Variants in SYNJ2 observed in about 807,000 individuals in gnomAD.
SYNJ2 encodes polyphosphatidylinositol phosphatase SYNJ2.
Under a neutral mutation model 141.3 loss-of-function variants are expected in SYNJ2, and 116 were observed. The ratio of observed to expected loss-of-function variants is 0.82; its 90% confidence interval spans 0.71 to 0.96. SYNJ2 has a LOEUF of 0.96. SYNJ2 is among the 40% of genes least tolerant of loss of function. SYNJ2 has a pLI of 0.00. For synonymous variants in SYNJ2, 745 were observed against 777.7 expected (o/e 0.96, Z 0.70); for missense variants, 1,873 against 1,934.8 (o/e 0.97, Z 0.60).
At chr6:158,074,482 A>G (rs1037828978) in intron 15 of SYNJ2, 98 bp from the exon 16 acceptor site, 8 of 1,348,856 alleles carry the variant, frequency 5.9e-6, no homozygotes, top group African/African-American at 1.5e-5. Flanking sequence ...GCATTTTGAG[A>G]AAAATACTCC....
chr6:157,998,665 T>C (rs1777723392), intron 1 of SYNJ2, among the ~76,000 whole-genome samples: 1 of 152,218 alleles, frequency 6.6e-6, no homozygotes, highest in Non-Finnish European at 1.5e-5. Flanking sequence ...TTAGAAAATA[T>C]AGGCTATGCT....
At chr6:157,983,773 A>G (rs866619095) in intron 1 of SYNJ2, among the ~76,000 whole-genome samples, 2 of 152,198 alleles carry the variant, frequency 1.3e-5, no homozygotes, top group Non-Finnish European at 2.9e-5. Flanking sequence ...ACTCATGTGC[A>G]GTCCACATTT....
intron 25 of SYNJ2, among the ~76,000 whole-genome samples, chr6:158,090,961 C>T (rs1316029051): frequency 2.0e-5 from 3 of 152,102 alleles, no homozygotes; most frequent in East Asian, 1.9e-4. Flanking sequence ...GTTAAAAGGT[C>T]GAGAACTACT....
chr6:158,086,842 C>G lies in SYNJ2; in HGVS notation c.3209-13C>G, dbSNP rs1027169908. The G allele has an allele frequency of 2.7e-5, 43 of 1,611,040 alleles. No homozygotes were observed. The highest frequency in any genetic ancestry group is 3.6e-5 in the Non-Finnish European group (42 of 1,179,940). On this transcript the variant is annotated splice_polypyrimidine_tract_variant and intron_variant, in intron 22 of 26. Transcript: ENST00000355585. ...AACAGACCATTGTACTCATGCCCCG[C>G]CATGTCCTCCAGATGACGCGGACCT...
chr6:158,067,534 A>G (rs1562377202), intron 12 of SYNJ2: 7 of 985,352 alleles, frequency 7.1e-6, no homozygotes, highest in Non-Finnish European at 8.4e-6. Context: ...TTGTCCAGTC[A>G]TCGTTGACTC....
Position 158,066,563 on chromosome 6 carries a change from G to T in SYNJ2, c.1645G>T (p.Val549Leu). Residue 549 changes from valine to leucine, a missense_variant, in exon 12 of 27, where the codon GTG (valine) becomes TTG (leucine). Val to Leu is a conservative substitution (Grantham distance 32). Transcript: ENST00000355585. ...VNGGKQFRSN[V>L]LRTAELTDWL... ...CGGAGGAAAGCAGTTCCGGAGCAAC[G>T]TGCTCAGGACGGCGGAGCTGACAGA... 1 of 1,614,166 alleles carries T rather than the reference G, an allele frequency of 6.2e-7. No individual in the cohort carries two copies. The highest frequency in any genetic ancestry group is 8.5e-7 in the Non-Finnish European group (1 of 1,180,040).
chr6:158,024,684 G>A (rs977627403), intron 2 of SYNJ2, among the ~76,000 whole-genome samples: 5 of 152,184 alleles, frequency 3.3e-5, no homozygotes, highest in Non-Finnish European at 5.9e-5. Context: ...AGGAACACAC[G>A]GCTGCAGGGG....
At chr6:157,987,981 C>T (rs1017149413) in intron 1 of SYNJ2, among the ~76,000 whole-genome samples, 13 of 152,246 alleles carry the variant, frequency 8.5e-5, no homozygotes, top group Non-Finnish European at 1.5e-4. Flanking sequence ...GGCCCTTTGA[C>T]GGCACTGCCT....
chr6:158,043,942 T>C lies in SYNJ2; in HGVS notation c.795+543T>C, dbSNP rs919836102. 4.6e-5 allele frequency among the ~76,000 whole-genome samples: 7 copies of C among 152,174 alleles called. No individual in the cohort carries two copies. Among genetic ancestry groups the C allele is most frequent in the Non-Finnish European group, 1.0e-4 (7 of 68,024 alleles). ...CAGAGAGATTTGGCATTCTTTCTCC[T>C]GGGAAGAGCACAGGGTGGGGACACA... is the stretch of plus-strand genomic sequence containing the variant. On this transcript the variant is annotated intron_variant, in intron 5 of 26. Transcript: ENST00000355585. This position sits in a 1 kb window ranked among gnomAD's most constrained non-coding sequence, Gnocchi z 4.0.
intron 14 of SYNJ2, 32 bp downstream of exon 14, chr6:158,069,705 A>G: frequency 6.4e-7 from 1 of 1,566,486 alleles, no homozygotes. Flanking sequence ...ACATCTGGGG[A>G]ACAAGGGGTT....
chr6:158,052,260 T>A (rs926824426), intron 5 of SYNJ2, among the ~76,000 whole-genome samples: 1 of 152,178 alleles, frequency 6.6e-6, no homozygotes, highest in African/African-American at 2.4e-5. Flanking sequence ...ACAGAAAAAA[T>A]TTAAGAACAA....
rs1781713968 is a variant in SYNJ2, at chr6:158,068,630, C to T, written c.1718-17C>T. ...TTGGCGGTTCTGACTTCTGTCATCTCTTGCCTTGCTCCCCAGATGACAGCA... is the reference window on the plus strand; with the variant it reads ...TTGGCGGTTCTGACTTCTGTCATCTTTTGCCTTGCTCCCCAGATGACAGCA... On this transcript the variant is annotated splice_polypyrimidine_tract_variant and intron_variant, in intron 12 of 26. Transcript: ENST00000355585. 1.2e-6 allele frequency: 2 copies of T among 1,614,024 alleles called. No individual in the cohort carries two copies. The highest frequency in any genetic ancestry group is 2.2e-5 in the East Asian group (1 of 44,900).
In SYNJ2 at chr6:158,059,243, C is replaced by T. The variant is rs138743999; in HGVS notation, c.858-14C>T. 276 of 1,543,666 alleles carry T rather than the reference C, an allele frequency of 1.8e-4. 1 individual carries two copies. In the East Asian group the frequency reaches 3.9e-3, roughly 22 times the overall value. ...CCCGTGCCCAGCATCACGCCCACCC[C>T]GCTGCCTTTGCAGGCACATGGTGCT... On this transcript the variant is annotated splice_polypyrimidine_tract_variant and intron_variant, in intron 6 of 26. Transcript: ENST00000355585.
At chr6:157,997,687 G>A (rs888906578) in intron 1 of SYNJ2, among the ~76,000 whole-genome samples, 1 of 152,148 alleles carries the variant, frequency 6.6e-6, no homozygotes, top group Non-Finnish European at 1.5e-5. Context: ...TGTGTATCTC[G>A]TTCAGTACCT....
rs374976488 is a variant in SYNJ2, at chr6:158,095,992, C to T, written c.4119C>T (p.Ala1373=). 1.2e-4 allele frequency: 200 copies of T among 1,614,090 alleles called. No homozygotes were observed. The highest frequency in any genetic ancestry group is 1.5e-4 in the Non-Finnish European group (174 of 1,180,042). The part of the protein sequence containing the change: ...SSDSPSGHPP[A]AGTVFPQGDF... ...ACAGCCCCTCTGGGCACCCACCTGC[C>T]GCGGGCACCGTCTTCCCACAAGGGG... is the stretch of plus-strand genomic sequence containing the variant. Residue 1373 remains alanine (A), a synonymous_variant, in exon 27 of 27, where the codon GCC becomes GCT. Transcript: ENST00000355585.
chr6:158,071,153 A>T lies in SYNJ2; in HGVS notation c.1941-449A>T, dbSNP rs1385091362. ...AGCTGAGATCACGCTGCTGCACTCC[A>T]GCCAGGGTGACAGAGCGAGACTCTG... On this transcript the variant is annotated intron_variant, in intron 14 of 26. Coordinates refer to ENST00000355585, the MANE Select transcript of SYNJ2 (RefSeq NM_003898.4). This position sits in a 1 kb window ranked among gnomAD's most constrained non-coding sequence, Gnocchi z 4.3. Among the ~76,000 whole-genome samples, 1 of 152,206 alleles carries T rather than the reference A, an allele frequency of 6.6e-6. No homozygotes were observed. The highest frequency in any genetic ancestry group is 1.5e-5 in the Non-Finnish European group (1 of 68,036).
chr6:158,087,412 C>G (rs1263962281), intron 23 of SYNJ2, among the ~76,000 whole-genome samples: 1 of 152,218 alleles, frequency 6.6e-6, no homozygotes, highest in Non-Finnish European at 1.5e-5. Context: ...GGTCACCCCT[C>G]TGCGCTCCGA....
Position 157,982,417 on chromosome 6 carries a change from G to A in SYNJ2, c.127+329G>A, listed in dbSNP as rs1302575406. Among the ~76,000 whole-genome samples, 1 of 152,188 alleles carries A rather than the reference G, an allele frequency of 6.6e-6. No individual in the cohort carries two copies. Among genetic ancestry groups the A allele is most frequent in the Non-Finnish European group, 1.5e-5 (1 of 68,030 alleles). On this transcript the variant is annotated intron_variant, in intron 1 of 26. Transcript: ENST00000355585. The surrounding 1 kb of genome is among the most constrained non-coding windows in gnomAD (Gnocchi z 4.0). ...CCCGGGGTGTTGACTTAGCCGGCCT[G>A]ACCCTGTGCCTGGCGCCTTTTCTTT...
At position 157,982,424 on chromosome 6, in the gene SYNJ2, T is replaced by C. The variant is rs1777049471; in HGVS notation, c.127+336T>C. On this transcript the variant is annotated intron_variant, in intron 1 of 26. Transcript: ENST00000355585. This position sits in a 1 kb window ranked among gnomAD's most constrained non-coding sequence, Gnocchi z 4.0. ...TGTTGACTTAGCCGGCCTGACCCTG[T>C]GCCTGGCGCCTTTTCTTTTGCACCT... 6.6e-6 allele frequency among the ~76,000 whole-genome samples: 1 copy of C among 152,158 alleles called. No individual in the cohort carries two copies. Among genetic ancestry groups the C allele is most frequent in the Non-Finnish European group, 1.5e-5 (1 of 68,022 alleles).
Sources: gnomAD v4.1 joint callset for allele counts (sites outside exome capture counted in the v4.1 genomes callset) on GRCh38, gnomAD v4.1.1 for gene constraint, Gnocchi (gnomAD v3.1) non-coding constraint, MANE v1.5 for transcripts, NCBI Gene and HGNC (gene_info 2026-07-23, HGNC 2026-07-21) for gene names.